NLRP1: variants seen among roughly 807,000 people sequenced by gnomAD.
NLRP1 encodes NACHT, LRR and PYD domains-containing protein 1.
NLRP1 carries 94 observed loss-of-function variants against 136.7 expected under a neutral mutation model. That is an observed-to-expected ratio of 0.69 (90% confidence interval 0.58 to 0.82). The LOEUF (loss-of-function observed/expected upper bound fraction) is 0.82. Ranked by LOEUF, NLRP1 falls within the 40% of genes least tolerant of loss-of-function variation. The pLI, the probability that NLRP1 is intolerant of heterozygous loss-of-function variation, is 0.00. For missense variants in NLRP1, 1,575 were observed against 1,802.7 expected (o/e 0.87, Z 2.29); for synonymous variants, 690 against 725.1 (o/e 0.95, Z 0.78).
In NLRP1 at chr17:5,540,861, G is replaced by A. The variant is rs73342920; in HGVS notation, c.2699+996C>T. ...GGTTTGGCCTTGGGAAGAAGGAAGGGACGTGTGATGTGTGAACAAAGATCT... is the reference window on the plus strand; with the variant it reads ...GGTTTGGCCTTGGGAAGAAGGAAGGAACGTGTGATGTGTGAACAAAGATCT... On this transcript the variant is annotated intron_variant, in intron 6 of 16. Coordinates refer to ENST00000572272, the MANE Select transcript of NLRP1 (RefSeq NM_033004.4). 7.6e-3 allele frequency among the ~76,000 whole-genome samples: 1,161 copies of A among 152,266 alleles called. 9 individuals carry two copies. The highest frequency in any genetic ancestry group is 0.026 in the African/African-American group (1,090 of 41,542).
chr17:5,524,894 G>A (rs1210324835), intron 12 of NLRP1, among the ~76,000 whole-genome samples: 1 of 152,188 alleles, frequency 6.6e-6, no homozygotes, highest in African/African-American at 2.4e-5. Context: ...TCCTGGGGGT[G>A]CAGGACTGTC....
intron 11 of NLRP1, among the ~76,000 whole-genome samples, chr17:5,531,175 TC>T (rs1910213123): frequency 1.8e-5 from 1 of 56,730 alleles, no homozygotes; most frequent in African/African-American, 7.4e-5. Context: ...ATCTATCTAA[TC>T]TATCTATCTA....
At chr17:5,508,175 G>A (rs1254859516) in intron 15 of NLRP1, among the ~76,000 whole-genome samples, 2 of 151,334 alleles carry the variant, frequency 1.3e-5, no homozygotes, top group Non-Finnish European at 1.5e-5. Flanking sequence ...GTGTGCACCT[G>A]TAATCCCAGC....
intron 12 of NLRP1, among the ~76,000 whole-genome samples, chr17:5,527,735 C>T (rs556598689): frequency 6.6e-6 from 1 of 152,376 alleles, no homozygotes; most frequent in South Asian, 2.1e-4. Context: ...CCACAAAGGA[C>T]AGTGCCACAA....
At chr17:5,543,350 T>A (rs552586284) in intron 5 of NLRP1, among the ~76,000 whole-genome samples, 1 of 152,162 alleles carries the variant, frequency 6.6e-6, no homozygotes, top group Non-Finnish European at 1.5e-5. Context: ...GGGGCACGCG[T>A]GGCTGGTAGG....
chr17:5,570,572 C>T (rs182293959), intron 3 of NLRP1, among the ~76,000 whole-genome samples: 59 of 152,144 alleles, frequency 3.9e-4, no homozygotes, highest in Non-Finnish European at 6.5e-4. Context: ...AGAGCAATAA[C>T]GAGTTCTAAA....
intron 5 of NLRP1, among the ~76,000 whole-genome samples, chr17:5,552,677 T>C (rs1411992140): frequency 6.6e-6 from 1 of 152,232 alleles, no homozygotes; most frequent in African/African-American, 2.4e-5. Flanking sequence ...ATTTTACTTT[T>C]ATAGCTCTCT....
Position 5,558,980 on chromosome 17 carries a change from G to A in NLRP1, c.1716C>T (p.Cys572=). 1 of 1,614,168 alleles carries A rather than the reference G, an allele frequency of 6.2e-7. No homozygotes were observed. The highest frequency in any genetic ancestry group is 1.6e-4 in the Middle Eastern group (1 of 6,062). The change falls in exon 4 of 17, where the codon TGC becomes TGT. Residue 572 remains cysteine, a synonymous_variant. Transcript: ENST00000572272. The part of the protein sequence containing the change: ...QPLGPQLRDL[C]SLAAEGIWQK... ...GCCAGATGCCCTCAGCAGCCAGAGA[G>A]CAGAGGTCTCTGAGCTGGGGTCCCA... is the stretch of plus-strand genomic sequence containing the variant.
intron 3 of NLRP1, among the ~76,000 whole-genome samples, chr17:5,560,319 G>C (rs1212390316): frequency 6.6e-6 from 1 of 152,150 alleles, no homozygotes; most frequent in Admixed American, 6.5e-5. Flanking sequence ...AGGGGTTGGG[G>C]ATAAAGAGTG....
intron 3 of NLRP1, among the ~76,000 whole-genome samples, chr17:5,576,961 C>T (rs138638243): frequency 0.018 from 2,715 of 152,168 alleles, 75 homozygotes; most frequent in African/African-American, 0.062. Context: ...GTTCAACATA[C>T]GCAAATCAAT....
intron 7 of NLRP1, 32 bp downstream of exon 7, chr17:5,539,383 C>G (rs1194400464): frequency 2.5e-6 from 4 of 1,582,390 alleles, no homozygotes; most frequent in Non-Finnish European, 3.4e-6. Flanking sequence ...AACCCTCTTC[C>G]CTCTGCCCAG....
intron 12 of NLRP1, among the ~76,000 whole-genome samples, chr17:5,527,461 T>C (rs1909702118): frequency 6.6e-6 from 1 of 151,986 alleles, no homozygotes; most frequent in South Asian, 2.1e-4. Flanking sequence ...GACATGGGCT[T>C]GGGCAGGACT....
chr17:5,542,185 G>C (rs1445835731), intron 5 of NLRP1, among the ~76,000 whole-genome samples, 158 bp from the exon 6 acceptor site: 1 of 152,062 alleles, frequency 6.6e-6, no homozygotes, highest in Non-Finnish European at 1.5e-5. Context: ...TGGTACTTGG[G>C]GATAGACATA....
intron 16 of NLRP1, 130 bp from the exon 17 acceptor site, chr17:5,515,203 T>A: frequency 1.1e-6 from 1 of 914,766 alleles, no homozygotes; most frequent in South Asian, 1.6e-5. Context: ...TCCTCCCTCA[T>A]GGCAGCATCT....
At chr17:5,521,488 C>T (rs917518630) in intron 13 of NLRP1, 36 bp downstream of exon 13, 8 of 1,597,296 alleles carry the variant, frequency 5.0e-6, no homozygotes, top group Non-Finnish European at 6.8e-6. Context: ...TACCGTCAAC[C>T]CACCGTGGCC....
In NLRP1 at chr17:5,558,771, C is replaced by T; in HGVS notation, c.1925G>A (p.Gly642Glu). The change falls in exon 4 of 17, where the codon GGG becomes GAG. Residue 642 changes from glycine (G) to glutamate (E), a missense_variant. Transcript: ENST00000572272. The stretch of plus-strand genomic sequence containing the variant: ...GATGCAATTAGAATGTTTACCTCTC[C>T]CCTTCTCATCCTCCAAGACATAGGA... ...AMSYVLEDEK[G>E]RGKHSNCIID... is the part of the protein sequence containing the mutation. 3 of 1,614,110 alleles carry T rather than the reference C, an allele frequency of 1.9e-6. No individual in the cohort carries two copies. The highest frequency in any genetic ancestry group is 4.5e-5 in the East Asian group (2 of 44,890).
At chr17:5,528,685 T>A (rs1479841179) in intron 12 of NLRP1, among the ~76,000 whole-genome samples, 2 of 152,236 alleles carry the variant, frequency 1.3e-5, no homozygotes, top group African/African-American at 2.4e-5. Context: ...ATGCCTTGAT[T>A]ACCTTAATAT....
intron 8 of NLRP1, 115 bp downstream of exon 8, chr17:5,536,736 G>C: frequency 1.5e-6 from 1 of 687,160 alleles, no homozygotes; most frequent in Admixed American, 2.1e-5. Flanking sequence ...TCTGGCTGCT[G>C]TGGTGTCTGG....
intron 3 of NLRP1, among the ~76,000 whole-genome samples, chr17:5,578,380 C>G (rs1363299545): frequency 7.9e-5 from 12 of 152,104 alleles, no homozygotes. Flanking sequence ...GGGCTAATAT[C>G]CAGAATCTAC....
Sources: allele counts gnomAD v4.1 joint callset (sites outside exome capture counted in the v4.1 genomes callset), GRCh38; gene constraint gnomAD v4.1.1; transcripts MANE v1.5; gene names NCBI Gene and HGNC (gene_info 2026-07-23, HGNC 2026-07-21).